PRR16: variants seen among roughly 807,000 people sequenced by gnomAD.
The protein encoded by PRR16 is proline rich 16.
Under a neutral mutation model 18.2 loss-of-function variants are expected in PRR16, and 6 were observed. The ratio of observed to expected loss-of-function variants is 0.33; its 90% CI spans 0.18 to 0.65. The LOEUF (loss-of-function observed/expected upper bound fraction) is 0.65. Among genes scored for constraint, PRR16 ranks in the 30% least tolerant of loss-of-function variants. The pLI is 0.74. For missense variants in PRR16, 412 were observed against 376.6 expected, an observed-to-expected ratio of 1.09 and a Z score of -0.78; for synonymous variants, 151 against 147.8, an observed-to-expected ratio of 1.02 and a Z score of -0.16.
chr5:120,732,424 T>G, the PRR16 span, among the ~76,000 whole-genome samples: 1 of 152,158 alleles, frequency 6.6e-6, no homozygotes, highest in Admixed American at 6.5e-5. Context: ...AGTACCCTGA[T>G]ATATTGATTA....
At chr5:120,561,278 C>G (rs1456822422) in intron 1 of PRR16, among the ~76,000 whole-genome samples, 1 of 151,910 alleles carries the variant, frequency 6.6e-6, no homozygotes. Context: ...CTTAGGAATG[C>G]TTTCACTGTA....
the PRR16 span, among the ~76,000 whole-genome samples, chr5:120,776,674 CAGAG>C: frequency 4.6e-5 from 7 of 152,004 alleles, no homozygotes; most frequent in Admixed American, 2.0e-4. Flanking sequence ...TATTTCAAAA[CAGAG>C]AGATAACAGA....
At chr5:120,520,932 A>G (rs141512017) in intron 1 of PRR16, among the ~76,000 whole-genome samples, 2 of 152,044 alleles carry the variant, frequency 1.3e-5, no homozygotes, top group African/African-American at 4.8e-5. Context: ...ATCATAGGTC[A>G]TGGTCCCCCA....
the PRR16 span, among the ~76,000 whole-genome samples, chr5:120,733,395 C>T: frequency 6.6e-6 from 1 of 152,048 alleles, no homozygotes; most frequent in African/African-American, 2.4e-5. Flanking sequence ...AGAAATCCTC[C>T]CACTTTAACA....
At chr5:120,774,669 C>T in the PRR16 span, among the ~76,000 whole-genome samples, 2 of 151,724 alleles carry the variant, frequency 1.3e-5, no homozygotes, top group Non-Finnish European at 2.9e-5. Flanking sequence ...CCTATTAGTA[C>T]TAAAAAGATA....
the PRR16 span, among the ~76,000 whole-genome samples, chr5:120,736,299 C>T: frequency 6.6e-6 from 1 of 152,114 alleles, no homozygotes; most frequent in Non-Finnish European, 1.5e-5. Flanking sequence ...ACGAAAAAGT[C>T]TGTCACCCAG....
At chr5:120,465,262 T>TC (rs1749038842) in intron 1 of PRR16, among the ~76,000 whole-genome samples, 1 of 152,182 alleles carries the variant, frequency 6.6e-6, no homozygotes, top group African/African-American at 2.4e-5. Context: ...TTCTGAAGCA[T>TC]CCCCTGCTCT....
the PRR16 span, among the ~76,000 whole-genome samples, chr5:120,754,705 A>T: frequency 7.0e-6 from 1 of 143,688 alleles, no homozygotes; most frequent in Non-Finnish European, 1.5e-5. Flanking sequence ...TGATATAACT[A>T]AAACATAAGC....
intron 1 of PRR16, among the ~76,000 whole-genome samples, chr5:120,598,819 C>T (rs533843642): frequency 6.6e-6 from 1 of 151,886 alleles, no homozygotes; most frequent in East Asian, 1.9e-4. Flanking sequence ...TTTTTTTATC[C>T]AATACCCAGC....
the PRR16 span, among the ~76,000 whole-genome samples, chr5:120,780,817 G>C: frequency 3.3e-5 from 5 of 152,158 alleles, no homozygotes; most frequent in African/African-American, 7.2e-5. Flanking sequence ...CTGGGAGGCC[G>C]AGGCGGGGGG....
At chr5:120,556,506 A>T (rs1752417692) in intron 1 of PRR16, among the ~76,000 whole-genome samples, 1 of 151,872 alleles carries the variant, frequency 6.6e-6, no homozygotes, top group African/African-American at 2.4e-5. Flanking sequence ...AATTAAACAG[A>T]TGCAAAGCTA....
chr5:120,648,109 T>C (rs2150129461), intron 1 of PRR16, among the ~76,000 whole-genome samples: 1 of 152,242 alleles, frequency 6.6e-6, no homozygotes, highest in Non-Finnish European at 1.5e-5. Flanking sequence ...TGAGTATTAA[T>C]ATGCTAATTT....
At chr5:120,695,593 A>G in the PRR16 span, among the ~76,000 whole-genome samples, 1 of 152,156 alleles carries the variant, frequency 6.6e-6, no homozygotes, top group Non-Finnish European at 1.5e-5. Context: ...CCCAATGGAG[A>G]AACTTTCCTC....
chr5:120,752,182 T>G, the PRR16 span, among the ~76,000 whole-genome samples: 1 of 152,062 alleles, frequency 6.6e-6, no homozygotes, highest in Non-Finnish European at 1.5e-5. Flanking sequence ...AGAAAATTGG[T>G]CATTTTTTAT....
the PRR16 span, among the ~76,000 whole-genome samples, chr5:120,768,409 A>ATT: frequency 0.01 from 1,522 of 151,360 alleles, 11 homozygotes; most frequent in Middle Eastern, 0.02. Context: ...TTAAGCAATG[A>ATT]TTTTTTTACC....
At chr5:120,633,799 T>C (rs1755139590) in intron 1 of PRR16, among the ~76,000 whole-genome samples, 1 of 12,748 alleles carries the variant, frequency 7.8e-5, no homozygotes, top group Non-Finnish European at 3.6e-4. Flanking sequence ...GTAAAACAGT[T>C]ACTACTAGAC....
At chr5:120,628,453 CT>C (rs1320511169) in intron 1 of PRR16, among the ~76,000 whole-genome samples, 1 of 151,966 alleles carries the variant, frequency 6.6e-6, no homozygotes, top group Non-Finnish European at 1.5e-5. Context: ...TTACGTGTTT[CT>C]CATGAAGCCT....
intron 1 of PRR16, among the ~76,000 whole-genome samples, chr5:120,552,287 G>A (rs1013386204): frequency 1.3e-5 from 2 of 151,860 alleles, no homozygotes; most frequent in African/African-American, 4.8e-5. Context: ...ATTGCCTCCA[G>A]TGATTGCACT....
chr5:120,711,626 T>C, the PRR16 span, among the ~76,000 whole-genome samples: 4 of 152,198 alleles, frequency 2.6e-5, no homozygotes, highest in Non-Finnish European at 5.9e-5. Flanking sequence ...TATAGATACA[T>C]CTCTCTTGGA....
Sources: gnomAD v4.1 joint callset for allele counts (sites outside exome capture counted in the v4.1 genomes callset) on GRCh38, gnomAD v4.1.1 for gene constraint, MANE v1.5 for transcripts, NCBI Gene and HGNC (gene_info 2026-07-23, HGNC 2026-07-21) for gene names.